SAMD4A: variants seen among roughly 807,000 people sequenced by gnomAD.
SAMD4A encodes the protein protein Smaug homolog 1.
Under a neutral mutation model 81.3 loss-of-function variants are expected in SAMD4A, and 33 were observed. The observed-to-expected ratio is 0.41, with a 90% confidence interval of 0.31 to 0.54. SAMD4A has a LOEUF of 0.54. SAMD4A is among the 20% of genes least tolerant of loss of function. The pLI is 0.37. For synonymous variants in SAMD4A, 389 were observed against 382.1 expected (o/e 1.02, Z -0.21); for missense variants, 854 against 951.1 (o/e 0.90, Z 1.34).
chr14:54,641,704 T>A (rs2035177261), intron 2 of SAMD4A, among the ~76,000 whole-genome samples: 1 of 152,250 alleles, frequency 6.6e-6, no homozygotes, highest in African/African-American at 2.4e-5. Flanking sequence ...AAGTCCAGTA[T>A]AGTTTTTTTC....
chr14:54,768,743 C>G (rs2139902333), intron 8 of SAMD4A, among the ~76,000 whole-genome samples: 1 of 152,322 alleles, frequency 6.6e-6, no homozygotes, highest in East Asian at 1.9e-4. Context: ...CCTAGCCCAC[C>G]TTGATGCATA....
chr14:54,675,142 G>A (rs2035962969), intron 2 of SAMD4A, among the ~76,000 whole-genome samples: 1 of 151,974 alleles, frequency 6.6e-6, no homozygotes, highest in African/African-American at 2.4e-5. Context: ...GAGGCGGGTG[G>A]ATCACCTGAG....
In SAMD4A at chr14:54,791,095, C is replaced by T. The variant is rs2039252232; in HGVS notation, c.*2151C>T. 2 of 152,302 alleles carry T rather than the reference C, an allele frequency of 1.3e-5. No homozygotes were observed. The highest frequency in any genetic ancestry group is 3.9e-4 in the East Asian group (2 of 5,190). The allele number at this position is 152,302 out of a possible 1,614,324, so 9.4% of individuals were successfully genotyped here. On this transcript the variant is annotated 3_prime_UTR_variant, in exon 13 of 13. Coordinates refer to ENST00000554335, the MANE Select transcript of SAMD4A (RefSeq NM_015589.6). ...ATTATTTTTAACCAAGTGCCATTAA[C>T]ATTCATCCCCCACATCCCTTTTCTA...
intron 3 of SAMD4A, among the ~76,000 whole-genome samples, chr14:54,714,886 A>G (rs895689374): frequency 6.6e-6 from 1 of 152,144 alleles, no homozygotes; most frequent in Admixed American, 6.5e-5. Context: ...CAGTTCTACA[A>G]AGAGCCAGCC....
intron 2 of SAMD4A, among the ~76,000 whole-genome samples, chr14:54,640,440 T>C (rs2035148363): frequency 6.6e-6 from 1 of 152,206 alleles, no homozygotes; most frequent in Non-Finnish European, 1.5e-5. Context: ...TGTCAGGATT[T>C]ATAGATCTCA....
rs531377279 is a variant in SAMD4A at position 54,710,111 on chromosome 14, A to G, written c.715+7531A>G. Among the ~76,000 whole-genome samples, 20 of 152,282 alleles carry G rather than the reference A, an allele frequency of 1.3e-4. No individual in the cohort carries two copies. The South Asian group carries it at 3.1e-3, about 24-fold the overall frequency. ...AAGCATGCTGGCCTTTGTTAGCCCA[A>G]CATGAGGTAAGAACTCAGAAACTTT... On this transcript the variant is annotated intron_variant, in intron 3 of 12. Coordinates refer to ENST00000554335, the MANE Select transcript of SAMD4A (RefSeq NM_015589.6).
At chr14:54,745,597 A>G (rs894999435) in intron 4 of SAMD4A, among the ~76,000 whole-genome samples, 4 of 152,240 alleles carry the variant, frequency 2.6e-5, no homozygotes, top group African/African-American at 9.6e-5. Flanking sequence ...CCTTAATGGA[A>G]GGGTCATGTC....
At chr14:54,633,966 G>A (rs2034967043) in intron 2 of SAMD4A, among the ~76,000 whole-genome samples, 5 of 151,970 alleles carry the variant, frequency 3.3e-5, no homozygotes, top group African/African-American at 1.2e-4. Flanking sequence ...ACAGTATTTG[G>A]CACATAATAG....
At chr14:54,696,689 T>C (rs937853905) in intron 2 of SAMD4A, among the ~76,000 whole-genome samples, 1 of 152,232 alleles carries the variant, frequency 6.6e-6, no homozygotes, top group Non-Finnish European at 1.5e-5. Context: ...CAAAAATCAT[T>C]GGGACAGTTT....
intron 2 of SAMD4A, among the ~76,000 whole-genome samples, chr14:54,661,117 T>C (rs2035634256): frequency 6.6e-6 from 1 of 152,212 alleles, no homozygotes; most frequent in Non-Finnish European, 1.5e-5. Context: ...AAGCCTCAAT[T>C]TCCTTATCTG....
At chr14:54,762,536 G>C (rs1278758250) in intron 7 of SAMD4A, among the ~76,000 whole-genome samples, 1 of 151,844 alleles carries the variant, frequency 6.6e-6, no homozygotes, top group Non-Finnish European at 1.5e-5. Flanking sequence ...TGTTGGATTA[G>C]AACAGATTTC....
At chr14:54,741,695 C>T (rs2037847685) in intron 4 of SAMD4A, among the ~76,000 whole-genome samples, 1 of 152,192 alleles carries the variant, frequency 6.6e-6, no homozygotes, top group Admixed American at 6.5e-5. Flanking sequence ...GAATGACCCT[C>T]ATTCAAAGTG....
intron 11 of SAMD4A, among the ~76,000 whole-genome samples, chr14:54,781,212 T>C (rs2038991733): frequency 6.6e-6 from 1 of 152,208 alleles, no homozygotes; most frequent in African/African-American, 2.4e-5. Context: ...TCTAAAGTCC[T>C]AAAGAAATTG....
intron 5 of SAMD4A, among the ~76,000 whole-genome samples, chr14:54,750,204 C>T (rs1454159090): frequency 2.6e-5 from 4 of 152,108 alleles, no homozygotes; most frequent in Admixed American, 1.3e-4. Flanking sequence ...AAGCCAGAGG[C>T]CAGCACAACC....
chr14:54,791,444 C>G lies in SAMD4A; in HGVS notation c.*2500C>G, dbSNP rs985838761. 4.3e-4 allele frequency: 65 copies of G among 152,250 alleles called. No homozygotes were observed. Among genetic ancestry groups the G allele is most frequent in the African/African-American group, 1.4e-3 (59 of 41,554 alleles). 9.4% of individuals were successfully genotyped at this position (152,250 alleles called of 1,614,324 possible). On this transcript the variant is annotated 3_prime_UTR_variant, in exon 13 of 13. Coordinates refer to ENST00000554335, the MANE Select transcript of SAMD4A (RefSeq NM_015589.6). The stretch of plus-strand genomic sequence containing the variant: ...TTAAAGTATCTGCAAATCTGAATTT[C>G]TATTTATTCCTTCACTGAATATAGA...
chr14:54,626,521 T>C (rs1375458988), intron 2 of SAMD4A, among the ~76,000 whole-genome samples: 1 of 152,170 alleles, frequency 6.6e-6, no homozygotes, highest in Non-Finnish European at 1.5e-5. Flanking sequence ...TTCGGTACCT[T>C]GTGGATACGT....
At chr14:54,646,825 A>T (rs143123925) in intron 2 of SAMD4A, among the ~76,000 whole-genome samples, 377 of 152,334 alleles carry the variant, frequency 2.5e-3, no homozygotes, top group African/African-American at 8.7e-3. Context: ...GATTAGTTGT[A>T]TCCTGCCCGT....
intron 3 of SAMD4A, among the ~76,000 whole-genome samples, chr14:54,722,533 T>C (rs987463140): frequency 2.0e-5 from 3 of 152,214 alleles, no homozygotes; most frequent in African/African-American, 7.2e-5. Flanking sequence ...ATACGAAAAC[T>C]AATGACCATT....
chr14:54,626,865 T>C (rs1406146673), intron 2 of SAMD4A, among the ~76,000 whole-genome samples: 2 of 152,202 alleles, frequency 1.3e-5, no homozygotes, highest in African/African-American at 4.8e-5. Flanking sequence ...GCAGGCATTA[T>C]TATACCCATT....
Sources: allele counts gnomAD v4.1 joint callset (sites outside exome capture counted in the v4.1 genomes callset), GRCh38; gene constraint gnomAD v4.1.1; transcripts MANE v1.5; gene names NCBI Gene and HGNC (gene_info 2026-07-23, HGNC 2026-07-21).